The following STOX2 variants were observed in gnomAD, a reference collection of about 807,000 sequenced individuals.
STOX2 encodes storkhead-box protein 2.
In STOX2, 28 loss-of-function variants were observed where a neutral mutation model predicts 60.9. The observed-to-expected ratio is 0.46, with a 90% CI of 0.34 to 0.63. STOX2 has a LOEUF of 0.63. Ranked by LOEUF, STOX2 falls within the 30% of genes least tolerant of loss-of-function variation. The pLI, the probability that STOX2 is intolerant of heterozygous loss-of-function variation, is 0.01. For synonymous variants in STOX2, 472 were observed against 463.9 expected (o/e 1.02, Z -0.22); for missense variants, 1,024 against 1,187.7 (o/e 0.86, Z 2.03).
At chr4:183,975,218 C>A (rs1343811319) in intron 1 of STOX2, among the ~76,000 whole-genome samples, 1 of 151,732 alleles carries the variant, frequency 6.6e-6, no homozygotes, top group African/African-American at 2.4e-5. Context: ...GAGGATTAAA[C>A]CCTCATATTA....
chr4:183,979,463 T>C (rs1001595204), intron 1 of STOX2, among the ~76,000 whole-genome samples: 10 of 152,172 alleles, frequency 6.6e-5, no homozygotes, highest in Admixed American at 1.3e-4. Flanking sequence ...ATTCTTGTGA[T>C]TGCCTATTGA....
rs1052052090 is a variant in STOX2 at position 183,997,567 on chromosome 4, G to C, written c.167-3758G>C. 3.3e-5 allele frequency among the ~76,000 whole-genome samples: 5 copies of C among 152,198 alleles called. No homozygotes were observed. In the East Asian group the frequency reaches 7.7e-4, roughly 23 times the overall value. On this transcript the variant is annotated intron_variant, in intron 1 of 3. Coordinates refer to ENST00000308497, the MANE Select transcript of STOX2 (RefSeq NM_020225.3). ...GTGGAGAGGGGAGTGTTGGAGGCAG[G>C]AGGGAAGGCTGAACATCATCAAGTT...
At chr4:184,012,853 A>G (rs1262921562) in intron 3 of STOX2, among the ~76,000 whole-genome samples, 1 of 151,994 alleles carries the variant, frequency 6.6e-6, no homozygotes, top group African/African-American at 2.4e-5. Flanking sequence ...CTCAAATCAG[A>G]TATTATTTTC....
rs75093883 is a variant in STOX2 at position 183,908,507 on chromosome 4, A to C, written c.166+1551A>C. Among the ~76,000 whole-genome samples, 1,322 of 151,858 alleles carry C rather than the reference A, an allele frequency of 8.7e-3. 8 individuals carry two copies. Among genetic ancestry groups the C allele is most frequent in the Non-Finnish European group, 0.014 (963 of 67,972 alleles). On this transcript the variant is annotated intron_variant, in intron 1 of 3. Transcript: ENST00000308497. ...GAACCGGTCCTGACACCAACTGTGA[A>C]GCTATAGGAGGGTTGGTGGCCATCA...
At chr4:183,995,303 T>C (rs1481064562) in intron 1 of STOX2, among the ~76,000 whole-genome samples, 1 of 54,634 alleles carries the variant, frequency 1.8e-5, no homozygotes, top group African/African-American at 4.7e-5. Context: ...TTTTTTTTTT[T>C]TTTTTTTTTT....
At chr4:183,898,162 G>A (rs966589013) in intron 1 of STOX2, among the ~76,000 whole-genome samples, 15 of 151,972 alleles carry the variant, frequency 9.9e-5, no homozygotes, top group Non-Finnish European at 2.9e-5. Flanking sequence ...TTCTGCTTCC[G>A]CCCTCCCTCT....
chr4:183,832,934 CA>C lies in STOX2; in HGVS notation c.364+34882del, dbSNP rs552133819. Among the ~76,000 whole-genome samples the C allele has an allele frequency of 2.5e-4, 38 of 152,310 alleles. No individual in the cohort carries two copies. In the East Asian group the frequency reaches 7.1e-3, roughly 29 times the overall value. On this transcript the variant is annotated intron_variant, in intron 1 of 2. Coordinates refer to the STOX2 transcript ENST00000513034. ...TCCTTTTAACTTCACCTCTGCAGAC[CA>C]AACACTACAGATTCCGTCAAAACCT...
rs1734432883 is a variant in STOX2, at chr4:184,017,670, A to C, written c.*386A>C. 6.7e-6 allele frequency: 1 copy of C among 149,164 alleles called. No individual in the cohort carries two copies. Among genetic ancestry groups the C allele is most frequent in the Non-Finnish European group, 1.4e-5 (1 of 69,814 alleles). The allele number at this position is 149,164 out of a possible 1,614,324, so 9.2% of individuals were successfully genotyped here. On this transcript the variant is annotated 3_prime_UTR_variant, in exon 4 of 4. Transcript: ENST00000308497. Reference sequence around the variant, plus strand: ...GTCTGTGGTTAAACGGTGCCACAGAACTGATCCTTGACACTTCCAAAAAAA... The same window carrying C: ...GTCTGTGGTTAAACGGTGCCACAGACCTGATCCTTGACACTTCCAAAAAAA...
intron 1 of STOX2, among the ~76,000 whole-genome samples, chr4:183,964,812 G>A (rs574716689): frequency 6.6e-6 from 1 of 152,230 alleles, no homozygotes; most frequent in South Asian, 2.1e-4. Context: ...TCAAACTCCC[G>A]ACCCTAGGTG....
chr4:183,959,457 A>C (rs924263981), intron 1 of STOX2, among the ~76,000 whole-genome samples: 4 of 152,280 alleles, frequency 2.6e-5, no homozygotes, highest in Non-Finnish European at 4.4e-5. Flanking sequence ...TGGTTTTTCC[A>C]CTGCAAGGCT....
At chr4:183,799,244 T>G (rs1738705789) in intron 1 of STOX2, among the ~76,000 whole-genome samples, 1 of 152,222 alleles carries the variant, frequency 6.6e-6, no homozygotes, top group South Asian at 2.1e-4. Flanking sequence ...AAAGCTTGCA[T>G]CTTGTGTATT....
intron 3 of STOX2, among the ~76,000 whole-genome samples, chr4:184,012,457 A>G (rs145085448): frequency 0.028 from 4,326 of 152,340 alleles, 83 homozygotes; most frequent in Admixed American, 0.06. Context: ...AAGAATTAAA[A>G]TTAATTCCGT....
At chr4:183,946,269 A>C (rs531005236) in intron 1 of STOX2, among the ~76,000 whole-genome samples, 3 of 152,332 alleles carry the variant, frequency 2.0e-5, no homozygotes, top group Non-Finnish European at 2.9e-5. Flanking sequence ...GGCAAATTAC[A>C]TGCCTTTTCT....
chr4:183,847,273 C>T (rs1275614526), intron 1 of STOX2, among the ~76,000 whole-genome samples: 1 of 152,148 alleles, frequency 6.6e-6, no homozygotes, highest in Non-Finnish European at 1.5e-5. Flanking sequence ...TTCTAGAATC[C>T]CAGGATTACA....
intron 1 of STOX2, among the ~76,000 whole-genome samples, chr4:183,994,323 G>A (rs1733239496): frequency 6.6e-6 from 1 of 152,140 alleles, no homozygotes; most frequent in Non-Finnish European, 1.5e-5. Context: ...GTTAATTTTG[G>A]CGGTGCAGAG....
chr4:183,909,608 A>C (rs1389622670), intron 1 of STOX2, among the ~76,000 whole-genome samples: 2 of 152,216 alleles, frequency 1.3e-5, no homozygotes, highest in Non-Finnish European at 2.9e-5. Flanking sequence ...AAATATTCTG[A>C]AAATTATGGG....
In STOX2 at chr4:183,834,641, C is replaced by T. The variant is rs116821022; in HGVS notation, c.364+36586C>T. Reference sequence around the variant, plus strand: ...GTCGCTCAGAATAGTCATGAAGATCCGTGCCTATTCCATGTTCTTTTGGTC... The same window carrying T: ...GTCGCTCAGAATAGTCATGAAGATCTGTGCCTATTCCATGTTCTTTTGGTC... On this transcript the variant is annotated intron_variant, in intron 1 of 2. Coordinates refer to the STOX2 transcript ENST00000513034. Among the ~76,000 whole-genome samples, 992 of 152,280 alleles carry T rather than the reference C, an allele frequency of 6.5e-3. 11 individuals are homozygous for T. Among genetic ancestry groups the T allele is most frequent in the African/African-American group, 0.023 (951 of 41,570 alleles).
chr4:183,820,399 G>T (rs951607525), intron 1 of STOX2, among the ~76,000 whole-genome samples: 1 of 152,136 alleles, frequency 6.6e-6, no homozygotes, highest in Non-Finnish European at 1.5e-5. Context: ...TCTCATTGAT[G>T]TCATTGTCAG....
intron 1 of STOX2, among the ~76,000 whole-genome samples, chr4:183,848,161 G>C (rs1740029604): frequency 6.6e-6 from 1 of 152,184 alleles, no homozygotes; most frequent in African/African-American, 2.4e-5. Context: ...GAATTTATTT[G>C]ACTCACATAA....
Sources: gnomAD v4.1 joint callset for allele counts (sites outside exome capture counted in the v4.1 genomes callset) on GRCh38, gnomAD v4.1.1 for gene constraint, MANE v1.5 for transcripts, NCBI Gene and HGNC (gene_info 2026-07-23, HGNC 2026-07-21) for gene names.